RALYL: variants seen among roughly 807,000 people sequenced by gnomAD.
The protein encoded by RALYL is RALY RNA binding protein like.
In RALYL, 29 loss-of-function variants were observed where a neutral mutation model predicts 35.1. The observed-to-expected ratio is 0.83, with a 90% CI of 0.61 to 1.13. The LOEUF (loss-of-function observed/expected upper bound fraction) is 1.13. RALYL is among the 50% of genes most tolerant of loss of function. RALYL has a pLI of 0.00. For synonymous variants in RALYL, 120 were observed against 127.6 expected, an observed-to-expected ratio of 0.94 and a Z score of 0.40; for missense variants, 359 against 360.4, an observed-to-expected ratio of 1.00 and a Z score of 0.03.
chr8:84,296,574 G>A (rs769047916), intron 1 of RALYL, among the ~76,000 whole-genome samples: 2 of 150,352 alleles, frequency 1.3e-5, no homozygotes, highest in Non-Finnish European at 3.0e-5. Context: ...CACAAGAAAG[G>A]CCTGTTTTAC....
chr8:84,864,405 A>G (rs1478626552), intron 6 of RALYL, among the ~76,000 whole-genome samples: 2 of 152,212 alleles, frequency 1.3e-5, no homozygotes, highest in African/African-American at 4.8e-5. Flanking sequence ...AGAAATATAA[A>G]TTATGGGATA....
intron 2 of RALYL, among the ~76,000 whole-genome samples, chr8:84,684,447 G>C (rs777012909): frequency 9.2e-5 from 14 of 152,136 alleles, no homozygotes; most frequent in Non-Finnish European, 1.6e-4. Flanking sequence ...GCACCGACTA[G>C]CCTGAGGTAA....
intron 1 of RALYL, among the ~76,000 whole-genome samples, chr8:84,425,238 GAT>G (rs2046243038): frequency 6.6e-6 from 1 of 152,190 alleles, no homozygotes; most frequent in African/African-American, 2.4e-5. Context: ...CCAGGTGTGG[GAT>G]ATAGTCTCGT....
At position 84,478,922 on chromosome 8, in the gene RALYL, T is replaced by TAAAAAAAAAAAAAAAAAAAA. The variant is rs1587656659; in HGVS notation, c.-23-50372_-23-50371insAAAAAAAAAAAAAAAAAAAA. Among the ~76,000 whole-genome samples, 192 of 85,168 alleles carry TAAAAAAAAAAAAAAAAAAAA rather than the reference T, an allele frequency of 2.3e-3. 11 individuals are homozygous for TAAAAAAAAAAAAAAAAAAAA. The highest frequency in any genetic ancestry group is 3.5e-3 in the Non-Finnish European group (132 of 37,370). The allele number at this position is 85,168 out of a possible 152,430, so 55.9% of individuals were successfully genotyped here. On this transcript the variant is annotated intron_variant, in intron 1 of 8. Transcript: ENST00000521268. Reference sequence around the variant, plus strand: ...TAACACCGTGAAACCCCGTCTCTACTAAAAATACAAAACATTAGCCGGGCA... The same window carrying TAAAAAAAAAAAAAAAAAAAA: ...TAACACCGTGAAACCCCGTCTCTACTAAAAAAAAAAAAAAAAAAAAAAAAATACAAAACATTAGCCGGGCA...
At chr8:84,847,335 G>A (rs572438293) in intron 4 of RALYL, among the ~76,000 whole-genome samples, 20 of 152,194 alleles carry the variant, frequency 1.3e-4, no homozygotes, top group Non-Finnish European at 2.4e-4. Context: ...TCAGGGCTGG[G>A]AATTAGTCCT....
At chr8:84,389,843 C>T (rs1159620370) in intron 1 of RALYL, among the ~76,000 whole-genome samples, 3 of 150,852 alleles carry the variant, frequency 2.0e-5, no homozygotes, top group Non-Finnish European at 2.9e-5. Flanking sequence ...ATTTCCTTCT[C>T]CTGCCTAATT....
intron 1 of RALYL, among the ~76,000 whole-genome samples, chr8:84,462,600 CA>C (rs1563972501): frequency 9.7e-6 from 1 of 103,036 alleles, no homozygotes. Flanking sequence ...TATCTAGATT[CA>C]TTTTTTTTTT....
intron 1 of RALYL, among the ~76,000 whole-genome samples, chr8:84,459,043 A>G (rs2050452405): frequency 6.6e-6 from 1 of 151,742 alleles, no homozygotes; most frequent in Non-Finnish European, 1.5e-5. Context: ...AAAAATCTTG[A>G]AACATAATGT....
chr8:84,889,382 A>G (rs1188050336), intron 8 of RALYL, among the ~76,000 whole-genome samples: 1 of 152,030 alleles, frequency 6.6e-6, no homozygotes, highest in Admixed American at 6.6e-5. Context: ...TCTTATTTTA[A>G]TTTACTTCTC....
At chr8:84,284,785 G>A (rs1037768567) in intron 1 of RALYL, among the ~76,000 whole-genome samples, 4 of 152,154 alleles carry the variant, frequency 2.6e-5, no homozygotes, top group African/African-American at 9.7e-5. Flanking sequence ...AGCAGAAGAT[G>A]GTTAGGGCCA....
At chr8:84,522,354 A>G (rs1401235490) in intron 1 of RALYL, among the ~76,000 whole-genome samples, 1 of 148,236 alleles carries the variant, frequency 6.7e-6, no homozygotes, top group African/African-American at 2.5e-5. Context: ...GGTTCACGTC[A>G]TTCTCCTGCC....
At chr8:84,740,728 TG>T (rs1807105407) in intron 2 of RALYL, among the ~76,000 whole-genome samples, 1 of 152,008 alleles carries the variant, frequency 6.6e-6, no homozygotes, top group African/African-American at 2.4e-5. Context: ...GAACCACAGT[TG>T]AATTGTGTAG....
intron 2 of RALYL, among the ~76,000 whole-genome samples, chr8:84,683,621 G>A (rs1420470452): frequency 6.6e-6 from 1 of 152,082 alleles, no homozygotes; most frequent in African/African-American, 2.4e-5. Flanking sequence ...ACAGCACTGG[G>A]GCTGAGATTA....
chr8:84,784,078 G>C (rs1417431971), intron 3 of RALYL, among the ~76,000 whole-genome samples: 1 of 152,202 alleles, frequency 6.6e-6, no homozygotes. Context: ...ACTGAAGATT[G>C]ATGGAAAGTT....
chr8:84,484,876 A>G (rs1246918860), intron 1 of RALYL, among the ~76,000 whole-genome samples: 1 of 152,160 alleles, frequency 6.6e-6, no homozygotes, highest in Non-Finnish European at 1.5e-5. Flanking sequence ...GAATAGGCCA[A>G]TCAATTTAAG....
At chr8:84,769,968 G>A (rs976299169) in intron 2 of RALYL, among the ~76,000 whole-genome samples, 2 of 152,038 alleles carry the variant, frequency 1.3e-5, no homozygotes, top group African/African-American at 2.4e-5. Flanking sequence ...TCTGGGTGTC[G>A]TTTCCAAGTC....
At chr8:84,204,147 A>G (rs1817548338) in intron 1 of RALYL, among the ~76,000 whole-genome samples, 1 of 152,104 alleles carries the variant, frequency 6.6e-6, no homozygotes, top group Admixed American at 6.6e-5. Flanking sequence ...AGAATTCTGA[A>G]TAAGAACACA....
intron 1 of RALYL, among the ~76,000 whole-genome samples, chr8:84,239,991 AT>A (rs1827515670): frequency 6.6e-6 from 1 of 152,218 alleles, no homozygotes; most frequent in Non-Finnish European, 1.5e-5. Context: ...TCTACTTAAA[AT>A]TGATTTACAC....
chr8:84,564,346 G>T (rs190642136), intron 2 of RALYL, among the ~76,000 whole-genome samples: 2 of 151,610 alleles, frequency 1.3e-5, no homozygotes, highest in East Asian at 3.9e-4. Context: ...TAATAATCTG[G>T]CTTCTCTTGA....
Sources: gnomAD v4.1 joint callset for allele counts (sites outside exome capture counted in the v4.1 genomes callset) on GRCh38, gnomAD v4.1.1 for gene constraint, MANE v1.5 for transcripts, NCBI Gene and HGNC (gene_info 2026-07-23, HGNC 2026-07-21) for gene names.